Variants in DNAH6 observed in about 807,000 individuals in gnomAD.
The protein encoded by DNAH6 is axonemal beta dynein heavy chain 6.
In DNAH6, 340 loss-of-function variants were observed where a neutral mutation model predicts 491.4. That is an observed-to-expected ratio of 0.69 (90% CI 0.63 to 0.76). The LOEUF (loss-of-function observed/expected upper bound fraction) is 0.76, where lower values mean the gene tolerates loss of function less well. Ranked by LOEUF, DNAH6 falls within the 30% of genes least tolerant of loss-of-function variation. The pLI, the probability that DNAH6 is intolerant of heterozygous loss-of-function variation, is 0.00. For synonymous variants in DNAH6, 1,603 were observed against 1,686.1 expected (o/e 0.95, Z 1.21); for missense variants, 4,443 against 4,972.2 (o/e 0.89, Z 3.20).
chr2:84,748,038 C>A lies in DNAH6; in HGVS notation c.10512+2789C>A, dbSNP rs555795900. On this transcript the variant is annotated intron_variant, in intron 63 of 76. Coordinates refer to ENST00000389394, the MANE Select transcript of DNAH6 (RefSeq NM_001370.2). ...CCAAGGCTTGTCTACTGAAACTATT[C>A]TTGCCTCCCAGGGCTCTGGACCTGC... 9.2e-5 allele frequency among the ~76,000 whole-genome samples: 14 copies of A among 152,322 alleles called. No homozygotes were observed. In the South Asian group the frequency reaches 2.9e-3, roughly 32 times the overall value.
chr2:84,638,994 A>G (rs539390364), intron 31 of DNAH6, among the ~76,000 whole-genome samples: 27 of 152,242 alleles, frequency 1.8e-4, no homozygotes, highest in African/African-American at 6.3e-4. Context: ...GGGATCAAGG[A>G]TCCACCCCCA....
chr2:84,678,703 A>G (rs971807645), intron 41 of DNAH6, among the ~76,000 whole-genome samples: 2 of 152,144 alleles, frequency 1.3e-5, no homozygotes, highest in Admixed American at 6.5e-5. Context: ...CACCCATGGG[A>G]ACATCATCCA....
chr2:84,711,073 AAGAG>A (rs1045614381), intron 56 of DNAH6, among the ~76,000 whole-genome samples: 2 of 152,212 alleles, frequency 1.3e-5, no homozygotes, highest in South Asian at 2.1e-4. Context: ...CAGAGAAAGA[AAGAG>A]AGAAGAAATG....
chr2:84,816,618 G>A (rs1680512733), intron 76 of DNAH6, among the ~76,000 whole-genome samples: 1 of 152,190 alleles, frequency 6.6e-6, no homozygotes, highest in African/African-American at 2.4e-5. Context: ...AACTACTTGG[G>A]AGGCTGAGGC....
intron 46 of DNAH6, among the ~76,000 whole-genome samples, chr2:84,695,514 T>C (rs1052155441): frequency 1.3e-4 from 20 of 152,126 alleles, no homozygotes; most frequent in African/African-American, 4.8e-4. Context: ...GTTGCATGTA[T>C]AAGAATATCT....
At chr2:84,742,328 C>G (rs193180890) in intron 62 of DNAH6, among the ~76,000 whole-genome samples, 1 of 152,234 alleles carries the variant, frequency 6.6e-6, no homozygotes, top group East Asian at 1.9e-4. Context: ...TTTTGAGGAA[C>G]ATGAAAGTCT....
At chr2:84,760,506 A>G (rs1674468513) in intron 63 of DNAH6, among the ~76,000 whole-genome samples, 1 of 152,218 alleles carries the variant, frequency 6.6e-6, no homozygotes, top group Non-Finnish European at 1.5e-5. Context: ...AGGGACATAA[A>G]TAGACATTTT....
rs528914612 is a variant in DNAH6, at chr2:84,800,025, T to C, written c.11481+2367T>C. On this transcript the variant is annotated intron_variant, in intron 70 of 76. Transcript: ENST00000389394. Reference sequence around the variant, plus strand: ...CTGAGGGCTATTGCAGCTAAGAGCCTATGTGCTGGCTCTTTTAAGCCAGGA... The same window carrying C: ...CTGAGGGCTATTGCAGCTAAGAGCCCATGTGCTGGCTCTTTTAAGCCAGGA... 7.2e-5 allele frequency among the ~76,000 whole-genome samples: 11 copies of C among 152,334 alleles called. No individual in the cohort carries two copies. In the South Asian group the frequency reaches 2.3e-3, roughly 32 times the overall value.
chr2:84,782,824 A>T (rs1676820497), intron 65 of DNAH6, among the ~76,000 whole-genome samples: 1 of 152,172 alleles, frequency 6.6e-6, no homozygotes, highest in African/African-American at 2.4e-5. Context: ...AATGCTAGAG[A>T]GGCAGCAAAA....
At chr2:84,553,521 G>GTT in intron 10 of DNAH6, among the ~76,000 whole-genome samples, 1 of 147,078 alleles carries the variant, frequency 6.8e-6, no homozygotes, top group Admixed American at 6.9e-5. Context: ...GGAATGCAAT[G>GTT]ATGTGATCTT....
At chr2:84,553,365 TTTTCTTTCTTTCTTTCTTTCTTTC>T (rs869077601) in intron 10 of DNAH6, among the ~76,000 whole-genome samples, 10 of 19,800 alleles carry the variant, frequency 5.1e-4, no homozygotes, top group African/African-American at 1.3e-3. Flanking sequence ...TTTTCTTTTC[TTTTCTTTCTTTCTTTCTTTCTTTC>T]TTTCTTTCTT....
chr2:84,480,942 G>A, the DNAH6 span, among the ~76,000 whole-genome samples: 1 of 151,540 alleles, frequency 6.6e-6, no homozygotes, highest in East Asian at 1.9e-4. Context: ...CAGCCTGGGT[G>A]CCAGAGCAAG....
chr2:84,490,060 C>A, the DNAH6 span, among the ~76,000 whole-genome samples: 4 of 152,234 alleles, frequency 2.6e-5, no homozygotes, highest in East Asian at 7.7e-4. Flanking sequence ...CTGTGAATCC[C>A]AGAACAAAGC....
chr2:84,531,354 A>ATTTTTTTTTTTT (rs556848790), intron 4 of DNAH6, among the ~76,000 whole-genome samples: 1 of 6,096 alleles, frequency 1.6e-4, no homozygotes, highest in Admixed American at 3.9e-3. Context: ...ATTTTTTTTT[A>ATTTTTTTTTTTT]TTTTTTTTTT....
At chr2:84,471,756 G>A in the DNAH6 span, among the ~76,000 whole-genome samples, 11 of 152,202 alleles carry the variant, frequency 7.2e-5, no homozygotes, top group Admixed American at 7.2e-4. Context: ...CCCCACGTTA[G>A]TAAATCTACT....
intron 61 of DNAH6, among the ~76,000 whole-genome samples, chr2:84,732,626 A>C (rs1464893351): frequency 1.3e-5 from 2 of 152,198 alleles, no homozygotes; most frequent in Non-Finnish European, 2.9e-5. Context: ...GGCTCAAGGG[A>C]TGGGATTAAA....
rs772084579 is a variant in DNAH6 at position 84,727,886 on chromosome 2, C to T, written c.10190C>T (p.Ser3397Phe). The T allele has an allele frequency of 6.4e-7, 1 of 1,550,476 alleles. No individual in the cohort carries two copies. The highest frequency in any genetic ancestry group is 1.4e-5 in the African/African-American group (1 of 73,028). ...DAEWNFFLRG[S>F]AGLEKERPPK... Reference sequence around the variant, plus strand: ...GAATGGAATTTCTTTCTCCGAGGTTCTGCAGGATTGGAAAAGGTACCTGAT... The same window carrying T: ...GAATGGAATTTCTTTCTCCGAGGTTTTGCAGGATTGGAAAAGGTACCTGAT... Residue 3397 changes from serine to phenylalanine, a missense_variant, in exon 61 of 77, where the codon TCT becomes TTT. Around this residue, in one of 3 missense-constraint regions of DNAH6, gnomAD observed 1,463 missense variants for 1,656.6 expected, o/e 0.88. Coordinates refer to ENST00000389394, the MANE Select transcript of DNAH6 (RefSeq NM_001370.2).
At chr2:84,764,318 C>T (rs571659389) in intron 64 of DNAH6, among the ~76,000 whole-genome samples, 7 of 151,890 alleles carry the variant, frequency 4.6e-5, no homozygotes, top group Non-Finnish European at 1.0e-4. Context: ...GGAATAAAGT[C>T]AAAAAATACA....
rs1386424799 is a variant in DNAH6 at position 84,618,908 on chromosome 2, AG to A, written c.3573-776del. Among the ~76,000 whole-genome samples the A allele has an allele frequency of 5.3e-5, 8 of 152,228 alleles. No individual in the cohort carries two copies. In the South Asian group the frequency reaches 1.7e-3, roughly 32 times the overall value. On this transcript the variant is annotated intron_variant, in intron 23 of 76. Coordinates refer to ENST00000389394, the MANE Select transcript of DNAH6 (RefSeq NM_001370.2). ...AGGTCCGCTATTGGAACACAAAGGG[AG>A]CCACAGACAGTACGTCTGCATGGCT...
Sources: allele counts gnomAD v4.1 joint callset (sites outside exome capture counted in the v4.1 genomes callset), GRCh38; gene constraint gnomAD v4.1.1; regional missense constraint gnomAD v4.1.1; transcripts MANE v1.5; gene names NCBI Gene and HGNC (gene_info 2026-07-23, HGNC 2026-07-21).